Variants in CRMP1 observed in about 807,000 individuals in gnomAD.
The protein encoded by CRMP1 is dihydropyrimidinase-related protein 1.
Under a neutral mutation model 68.3 loss-of-function variants are expected in CRMP1, and 19 were observed. The observed-to-expected ratio is 0.28, with a 90% CI of 0.19 to 0.41. The LOEUF is 0.41. Among genes scored for constraint, CRMP1 ranks in the 10% least tolerant of loss-of-function variants. The pLI is 1.00. For missense variants in CRMP1, 791 were observed against 967.4 expected (o/e 0.82, Z 2.42); for synonymous variants, 439 against 399.6 (o/e 1.10, Z -1.18).
At chr4:5,833,595 T>C (rs955445920) in intron 11 of CRMP1, among the ~76,000 whole-genome samples, 1 of 152,182 alleles carries the variant, frequency 6.6e-6, no homozygotes, top group African/African-American at 2.4e-5. Flanking sequence ...TCAATAACAA[T>C]ATACCTAACT....
intron 5 of CRMP1, 31 bp downstream of exon 5, chr4:5,851,377 A>C: frequency 2.5e-6 from 4 of 1,604,712 alleles, no homozygotes; most frequent in Non-Finnish European, 3.4e-6. Flanking sequence ...TGCCCAGACA[A>C]GAGAGGAGAG....
At chr4:5,868,281 A>ATATATC (rs1714164457) in intron 1 of CRMP1, among the ~76,000 whole-genome samples, 1 of 89,144 alleles carries the variant, frequency 1.1e-5, no homozygotes, top group African/African-American at 5.0e-5. Flanking sequence ...ATATATATAT[A>ATATATC]TATATATATA....
At chr4:5,867,164 C>T (rs1422645981) in intron 1 of CRMP1, among the ~76,000 whole-genome samples, 4 of 152,224 alleles carry the variant, frequency 2.6e-5, no homozygotes, top group South Asian at 2.1e-4. Flanking sequence ...ATTATCCCAA[C>T]GAACTCAATT....
chr4:5,842,992 G>T lies in CRMP1; in HGVS notation c.1032+101C>A. The T allele has an allele frequency of 8.9e-7, 1 of 1,128,880 alleles. No individual in the cohort carries two copies. Among genetic ancestry groups the T allele is most frequent in the South Asian group, 1.3e-5 (1 of 77,032 alleles). 69.9% of individuals were successfully genotyped at this position (1,128,880 alleles called of 1,614,324 possible). On this transcript the variant is annotated intron_variant, in intron 7 of 13. Coordinates refer to ENST00000324989, the MANE Select transcript of CRMP1 (RefSeq NM_001014809.3). The surrounding 1 kb of genome is among the most constrained non-coding windows in gnomAD (Gnocchi z 4.5). ...TGGGATGGTCTGGGAGAGGACACGG[G>T]AAGAGGCCGGGTCCTGGCTGGGCTA...
intron 12 of CRMP1, chr4:5,828,257 A>G (rs1719997052): frequency 1.0e-6 from 1 of 985,222 alleles, no homozygotes; most frequent in South Asian, 4.7e-5. Context: ...TCACGGGTGC[A>G]CACCCCTCTA....
In CRMP1 at chr4:5,888,305, G is replaced by A. The variant is rs919259971; in HGVS notation, c.381+4284C>T. 4.8e-6 allele frequency: 6 copies of A among 1,252,342 alleles called. No individual in the cohort carries two copies. The highest frequency in any genetic ancestry group is 6.0e-6 in the Non-Finnish European group (6 of 992,846). The allele number at this position is 1,252,342 out of a possible 1,614,324, so 77.6% of individuals were successfully genotyped here. A position where few individuals can be genotyped will look rare whatever the true frequency, so the allele number is the denominator to read the frequency against. ...GCCCTCGGCCCGGCCGCTGACCTGC[G>A]GGGCTGTCTGACTGGAACCGGCGCT... On this transcript the variant is annotated intron_variant, in intron 1 of 13. Transcript: ENST00000324989. The surrounding 1 kb of genome is among the most constrained non-coding windows in gnomAD (Gnocchi z 6.4).
chr4:5,856,927 CCAT>C (rs1249035553), intron 3 of CRMP1, among the ~76,000 whole-genome samples: 1 of 147,848 alleles, frequency 6.8e-6, no homozygotes, highest in African/African-American at 2.5e-5. Flanking sequence ...ACCACCACCA[CCAT>C]CACCACCATC....
Position 5,889,970 on chromosome 4 carries a change from C to G in CRMP1, c.381+2619G>C. ...CTTACAGAGGTAAAATGATGTACCC[C>G]GGGTGCAAAACATATTAGCTGCAGC... On this transcript the variant is annotated intron_variant, in intron 1 of 13. Coordinates refer to ENST00000324989, the MANE Select transcript of CRMP1 (RefSeq NM_001014809.3). The surrounding 1 kb of genome is among the most constrained non-coding windows in gnomAD (Gnocchi z 4.5). 1 of 1,260,556 alleles carries G rather than the reference C, an allele frequency of 7.9e-7. No individual in the cohort carries two copies. The highest frequency in any genetic ancestry group is 3.5e-5 in the East Asian group (1 of 28,704). The allele number at this position is 1,260,556 out of a possible 1,614,324, so 78.1% of individuals were successfully genotyped here. A position where few individuals can be genotyped will look rare whatever the true frequency, so the allele number is the denominator to read the frequency against.
At position 5,865,573 on chromosome 4, in the gene CRMP1, A is replaced by G. The variant is rs12503266; in HGVS notation, c.470+1095T>C. 0.44 allele frequency among the ~76,000 whole-genome samples: 64,277 copies of G among 146,790 alleles called. 17,171 individuals carry two copies. The highest frequency in any genetic ancestry group is 0.75 in the East Asian group (3,734 of 4,968). ...GAAGTGGAGGTTGCAGTGAGCCGAG[A>G]TTGTGCCACTGCACTCCAGCCTGGT... On this transcript the variant is annotated intron_variant, in intron 2 of 13. Transcript: ENST00000324989. This position sits in a 1 kb window ranked among gnomAD's most constrained non-coding sequence, Gnocchi z 4.1.
intron 1 of CRMP1, among the ~76,000 whole-genome samples, chr4:5,868,300 T>TAC: frequency 7.9e-6 from 1 of 126,106 alleles, no homozygotes; most frequent in South Asian, 2.6e-4. Flanking sequence ...TATATATATA[T>TAC]ATACATAATT....
At chr4:5,840,273 G>A (rs991321500) in intron 8 of CRMP1, among the ~76,000 whole-genome samples, 5 of 152,224 alleles carry the variant, frequency 3.3e-5, no homozygotes, top group South Asian at 2.1e-4. Context: ...GCCGGAGGGC[G>A]GCTTCCCGAG....
intron 1 of CRMP1, among the ~76,000 whole-genome samples, chr4:5,867,593 A>T (rs1307782471): frequency 6.6e-6 from 1 of 152,120 alleles, no homozygotes; most frequent in Non-Finnish European, 1.5e-5. Flanking sequence ...AGCACCGATC[A>T]GCTACCGACT....
intron 6 of CRMP1, among the ~76,000 whole-genome samples, chr4:5,844,351 G>GGGGGAGGGCA (rs1389905953): frequency 2.6e-5 from 4 of 151,412 alleles, no homozygotes; most frequent in African/African-American, 9.7e-5. Flanking sequence ...GAAGTAAGGA[G>GGGGGAGGGCA]GGGGAGGGCA....
Position 5,846,489 on chromosome 4 carries a change from A to G in CRMP1, c.963+2903T>C, listed in dbSNP as rs940864629. Among the ~76,000 whole-genome samples, 3 of 152,076 alleles carry G rather than the reference A, an allele frequency of 2.0e-5. No individual in the cohort carries two copies. In the South Asian group the frequency reaches 6.2e-4, roughly 32 times the overall value. On this transcript the variant is annotated intron_variant, in intron 6 of 13. Coordinates refer to ENST00000324989, the MANE Select transcript of CRMP1 (RefSeq NM_001014809.3). Reference sequence around the variant, plus strand: ...GTCTTATGGTGTGAACCCCAGCGAGATTCACAGGAGGTCCACAGATTTTTA... The same window carrying G: ...GTCTTATGGTGTGAACCCCAGCGAGGTTCACAGGAGGTCCACAGATTTTTA...
chr4:5,855,193 A>T lies in CRMP1; in HGVS notation c.820+950T>A, dbSNP rs1479628621. Among the ~76,000 whole-genome samples, 3 of 152,248 alleles carry T rather than the reference A, an allele frequency of 2.0e-5. No individual in the cohort carries two copies. Among genetic ancestry groups the T allele is most frequent in the Non-Finnish European group, 2.9e-5 (2 of 68,050 alleles). On this transcript the variant is annotated intron_variant, in intron 4 of 13. Transcript: ENST00000324989. This position sits in a 1 kb window ranked among gnomAD's most constrained non-coding sequence, Gnocchi z 4.9. ...GAAAGCAATAATCCTGCACATTTAG[A>T]GTAAATTGTGATTGGGGGTAGAACC...
At position 5,843,055 on chromosome 4, in the gene CRMP1, T is replaced by A. The variant is rs28678319; in HGVS notation, c.1032+38A>T. ...CAGCATCAAGGTGAGTGCTCAGTGG[T>A]GAGTGTCAGAGTCATGCCCAAGTTG... On this transcript the variant is annotated intron_variant, in intron 7 of 13. Transcript: ENST00000324989. This position sits in a 1 kb window ranked among gnomAD's most constrained non-coding sequence, Gnocchi z 4.1. 1 of 1,596,818 alleles carries A rather than the reference T, an allele frequency of 6.3e-7. No homozygotes were observed. Among genetic ancestry groups the A allele is most frequent in the African/African-American group, 1.3e-5 (1 of 74,560 alleles).
At chr4:5,840,196 G>A (rs528360079) in intron 8 of CRMP1, among the ~76,000 whole-genome samples, 78 of 152,252 alleles carry the variant, frequency 5.1e-4, no homozygotes, top group Non-Finnish European at 8.4e-4. Flanking sequence ...AGTCCTGCTC[G>A]GGAACACGCC....
Position 5,888,169 on chromosome 4 carries a change from G to A in CRMP1, c.381+4420C>T. 8.1e-7 allele frequency: 1 copy of A among 1,235,710 alleles called. No homozygotes were observed. The highest frequency in any genetic ancestry group is 1.0e-6 in the Non-Finnish European group (1 of 987,340). The allele number at this position is 1,235,710 out of a possible 1,614,324, so 76.5% of individuals were successfully genotyped here. A position where few individuals can be genotyped will look rare whatever the true frequency, so the allele number is the denominator to read the frequency against. Reference sequence around the variant, plus strand: ...CGCCCCGTGGATCTGGACCCTGCCGGGCGCCCACTCCCAGCCCACAAAGGC... The same window carrying A: ...CGCCCCGTGGATCTGGACCCTGCCGAGCGCCCACTCCCAGCCCACAAAGGC... On this transcript the variant is annotated intron_variant, in intron 1 of 13. Transcript: ENST00000324989. This position sits in a 1 kb window ranked among gnomAD's most constrained non-coding sequence, Gnocchi z 6.4.
chr4:5,892,489 C>A lies in CRMP1; in HGVS notation c.381+100G>T, dbSNP rs150654418. On this transcript the variant is annotated intron_variant, in intron 1 of 13. Transcript: ENST00000324989. This position sits in a 1 kb window ranked among gnomAD's most constrained non-coding sequence, Gnocchi z 8.6. ...GCTCTCCCCAGCCTGGCGGCCGCTG[C>A]CCCAACACCGGGGCCCGGGCATGGC... 564 of 1,097,738 alleles carry A rather than the reference C, an allele frequency of 5.1e-4. 1 individual carries two copies. The African/African-American group carries it at 8.6e-3, about 17-fold the overall frequency. The allele number at this position is 1,097,738 out of a possible 1,614,324, so 68.0% of individuals were successfully genotyped here.
Sources: allele counts gnomAD v4.1 joint callset (sites outside exome capture counted in the v4.1 genomes callset), GRCh38; gene constraint gnomAD v4.1.1; non-coding constraint Gnocchi (gnomAD v3.1); transcripts MANE v1.5; gene names NCBI Gene and HGNC (gene_info 2026-07-23, HGNC 2026-07-21).